Variants in CTNNA2 observed in about 807,000 individuals in gnomAD.
CTNNA2 encodes the protein catenin alpha 2.
CTNNA2 carries 42 observed loss-of-function variants against 101.0 expected under a neutral mutation model. That is an observed-to-expected ratio of 0.42 (90% CI 0.32 to 0.54). CTNNA2 has a LOEUF of 0.54. CTNNA2 is among the 20% of genes least tolerant of loss of function. The pLI is 0.14. For missense variants in CTNNA2, 871 were observed against 1,223.1 expected (o/e 0.71, Z 4.29); for synonymous variants, 450 against 456.4 (o/e 0.99, Z 0.18).
intron 4 of CTNNA2, among the ~76,000 whole-genome samples, chr2:79,473,405 C>CCG (rs1671021196): frequency 6.6e-6 from 1 of 151,994 alleles, no homozygotes; most frequent in Non-Finnish European, 1.5e-5. Flanking sequence ...TTCAATCTCT[C>CCG]TGTCTCTCTC....
chr2:80,132,537 T>G (rs1371087645), intron 7 of CTNNA2, among the ~76,000 whole-genome samples: 2 of 152,182 alleles, frequency 1.3e-5, no homozygotes. Context: ...GTGTAAGGGC[T>G]TTATCATTGT....
intron 2 of CTNNA2, among the ~76,000 whole-genome samples, chr2:79,218,352 T>TGTGTA (rs1491322056): frequency 0.039 from 3,216 of 82,298 alleles, 71 homozygotes; most frequent in East Asian, 0.093. Flanking sequence ...TGTGTGTGTA[T>TGTGTA]TTTTTTTTTT....
intron 7 of CTNNA2, among the ~76,000 whole-genome samples, chr2:80,359,882 A>C (rs975009439): frequency 7.2e-5 from 11 of 152,146 alleles, no homozygotes; most frequent in Non-Finnish European, 1.2e-4. Context: ...TTATATTTCC[A>C]TATCAATTTA....
At chr2:80,429,305 G>A (rs570738714) in intron 9 of CTNNA2, among the ~76,000 whole-genome samples, 1 of 152,226 alleles carries the variant, frequency 6.6e-6, no homozygotes, top group South Asian at 2.1e-4. Context: ...ACAACCTTAT[G>A]AAGTAGCCAT....
intron 18 of CTNNA2, among the ~76,000 whole-genome samples, chr2:80,641,519 T>G (rs1673482194): frequency 6.6e-6 from 1 of 152,156 alleles, no homozygotes; most frequent in South Asian, 2.1e-4. Context: ...TCTAAGACAT[T>G]TACTATGTCA....
intron 3 of CTNNA2, among the ~76,000 whole-genome samples, chr2:79,352,001 T>C (rs1677399276): frequency 6.6e-6 from 1 of 152,180 alleles, no homozygotes; most frequent in Non-Finnish European, 1.5e-5. Context: ...ATCTCCAAAA[T>C]TGCTTCCCAC....
At chr2:79,438,015 G>C (rs2104515820) in intron 4 of CTNNA2, among the ~76,000 whole-genome samples, 1 of 152,208 alleles carries the variant, frequency 6.6e-6, no homozygotes, top group East Asian at 1.9e-4. Flanking sequence ...TGTTCCTATT[G>C]TTATGCCCGT....
At chr2:79,817,714 A>G (rs911931677) in intron 3 of CTNNA2, among the ~76,000 whole-genome samples, 3 of 152,184 alleles carry the variant, frequency 2.0e-5, no homozygotes, top group African/African-American at 7.2e-5. Context: ...TTCAATGTGC[A>G]TTTGATTTTG....
At chr2:80,114,521 A>G (rs549741255) in intron 7 of CTNNA2, among the ~76,000 whole-genome samples, 1 of 152,270 alleles carries the variant, frequency 6.6e-6, no homozygotes, top group Admixed American at 6.5e-5. Context: ...TGCTCATCTG[A>G]CACCAAAAGA....
rs140916127 is a variant in CTNNA2, at chr2:79,219,615, A to G, written c.-406+21539A>G. On this transcript the variant is annotated intron_variant, in intron 2 of 21. Coordinates refer to the CTNNA2 transcript ENST00000466387. ...TTAGAATATGGCCTCGAAAATTGAA[A>G]CCAAAGTGCATTTACACCTGCAAGC... Among the ~76,000 whole-genome samples, 839 of 152,282 alleles carry G rather than the reference A, an allele frequency of 5.5e-3. 8 individuals are homozygous for G. Among genetic ancestry groups the G allele is most frequent in the African/African-American group, 0.019 (806 of 41,552 alleles).
At chr2:79,261,458 A>T (rs951554623) in intron 2 of CTNNA2, among the ~76,000 whole-genome samples, 3 of 152,218 alleles carry the variant, frequency 2.0e-5, no homozygotes, top group Admixed American at 6.5e-5. Context: ...CTGCTATATG[A>T]AGATATCACA....
chr2:80,542,689 G>C (rs1469441141), intron 9 of CTNNA2, among the ~76,000 whole-genome samples: 1 of 151,998 alleles, frequency 6.6e-6, no homozygotes, highest in African/African-American at 2.4e-5. Flanking sequence ...GCAAAAGTGT[G>C]ATCTCAAGTC....
chr2:79,880,114 T>C (rs1683314958), intron 6 of CTNNA2, among the ~76,000 whole-genome samples: 1 of 152,182 alleles, frequency 6.6e-6, no homozygotes, highest in Non-Finnish European at 1.5e-5. Context: ...ATGTGATGGA[T>C]TACTTTTCTT....
chr2:79,930,296 GAA>G (rs765790890), intron 7 of CTNNA2, among the ~76,000 whole-genome samples: 9 of 15,964 alleles, frequency 5.6e-4, no homozygotes, highest in Admixed American at 9.4e-4. Context: ...GAGAGAAAGA[GAA>G]AGAAAGAAAG....
chr2:79,444,688 T>G (rs1678813171), intron 4 of CTNNA2, among the ~76,000 whole-genome samples: 2 of 152,068 alleles, frequency 1.3e-5, no homozygotes, highest in South Asian at 4.1e-4. Context: ...GTACTCAAAA[T>G]GTGTATGTGT....
intron 7 of CTNNA2, among the ~76,000 whole-genome samples, chr2:80,106,913 A>G (rs990766420): frequency 1.3e-5 from 2 of 152,134 alleles, no homozygotes; most frequent in African/African-American, 4.8e-5. Flanking sequence ...CTGGCAGGGA[A>G]AAGTTACTTC....
intron 6 of CTNNA2, 145 bp downstream of exon 6, chr2:79,874,487 C>T (rs1682851031): frequency 9.9e-7 from 1 of 1,007,226 alleles, no homozygotes; most frequent in Non-Finnish European, 1.4e-6. Flanking sequence ...CTACATAATG[C>T]ATTTCTGTAA....
chr2:79,241,605 G>A (rs1306501905), intron 2 of CTNNA2, among the ~76,000 whole-genome samples: 2 of 152,126 alleles, frequency 1.3e-5, no homozygotes, highest in Non-Finnish European at 2.9e-5. Context: ...TTTATTCACT[G>A]TATTCCAGAA....
At chr2:79,421,832 A>C (rs769104618) in intron 4 of CTNNA2, among the ~76,000 whole-genome samples, 1 of 152,114 alleles carries the variant, frequency 6.6e-6, no homozygotes, top group Non-Finnish European at 1.5e-5. Flanking sequence ...TGAATGGACA[A>C]TATATACGTA....
Sources: allele counts gnomAD v4.1 joint callset (sites outside exome capture counted in the v4.1 genomes callset), GRCh38; gene constraint gnomAD v4.1.1; transcripts MANE v1.5; gene names NCBI Gene and HGNC (gene_info 2026-07-23, HGNC 2026-07-21).